Variants in ANKS1B observed in about 807,000 individuals in gnomAD.
The protein encoded by ANKS1B is ankyrin repeat and sterile alpha motif domain containing 1B.
A neutral mutation model predicts 148.3 loss-of-function variants in ANKS1B; 36 were observed. The observed-to-expected ratio is 0.24, with a 90% CI of 0.19 to 0.32. The LOEUF is 0.32. Among genes scored for constraint, ANKS1B ranks in the 10% least tolerant of loss-of-function variants. The probability of loss-of-function intolerance (pLI) is 1.00; values close to 1 mark genes in which losing one functional copy is unlikely to be tolerated. For missense variants in ANKS1B, 1,157 were observed against 1,542.6 expected, an observed-to-expected ratio of 0.75 and a Z score of 4.19; for synonymous variants, 542 against 560.8, an observed-to-expected ratio of 0.97 and a Z score of 0.47.
At chr12:99,806,835 G>A in intron 3 of ANKS1B, 135 bp from the exon 4 acceptor site, 5 of 887,938 alleles carry the variant, frequency 5.6e-6, no homozygotes, top group South Asian at 4.5e-5. Flanking sequence ...TATGCCTAAT[G>A]GAATTTTATA....
chr12:99,514,991 A>T (rs940634394), intron 9 of ANKS1B, among the ~76,000 whole-genome samples: 5 of 151,080 alleles, frequency 3.3e-5, no homozygotes, highest in African/African-American at 1.2e-4. Context: ...TTTTCTTGAC[A>T]TTTGGCCTCT....
At chr12:99,651,789 G>T (rs2372801) in intron 9 of ANKS1B, among the ~76,000 whole-genome samples, 129,889 of 151,900 alleles carry the variant, frequency 0.86, 55,734 homozygotes, top group East Asian at 0.98. Flanking sequence ...AATAGATACT[G>T]ATAATAACAG....
intron 12 of ANKS1B, among the ~76,000 whole-genome samples, chr12:99,330,626 AT>A (rs2087330569): frequency 6.6e-6 from 1 of 152,044 alleles, no homozygotes. Flanking sequence ...TGTTTTACAA[AT>A]GTCAAAGATA....
chr12:99,103,592 G>A (rs112002488), intron 15 of ANKS1B, among the ~76,000 whole-genome samples: 23 of 152,168 alleles, frequency 1.5e-4, no homozygotes, highest in African/African-American at 5.5e-4. Flanking sequence ...TTAAAACAAG[G>A]AAGGGATTCA....
At chr12:99,805,262 G>GAAAAAAAAA (rs1567880890) in intron 4 of ANKS1B, among the ~76,000 whole-genome samples, 10 of 8,308 alleles carry the variant, frequency 1.2e-3, no homozygotes, top group African/African-American at 3.5e-3. Context: ...GGAGGAAAAG[G>GAAAAAAAAA]CAAAAAAAAA....
At chr12:99,497,501 G>C (rs1404022046) in intron 10 of ANKS1B, among the ~76,000 whole-genome samples, 1 of 152,104 alleles carries the variant, frequency 6.6e-6, no homozygotes, top group Admixed American at 6.5e-5. Context: ...TGTGAGGGAA[G>C]GATCTGTCCC....
intron 17 of ANKS1B, among the ~76,000 whole-genome samples, chr12:98,958,046 C>T: frequency 6.6e-6 from 1 of 152,184 alleles, no homozygotes; most frequent in South Asian, 2.1e-4. Flanking sequence ...TGTCTGTTCT[C>T]ACCACCTAAG....
intron 12 of ANKS1B, among the ~76,000 whole-genome samples, chr12:99,247,196 T>G (rs192015047): frequency 1.4e-3 from 207 of 152,226 alleles, no homozygotes; most frequent in African/African-American, 4.9e-3. Flanking sequence ...CAAAATTGGG[T>G]TTTCTTAAAG....
At chr12:99,534,595 A>G (rs1023658903) in intron 9 of ANKS1B, among the ~76,000 whole-genome samples, 4 of 152,198 alleles carry the variant, frequency 2.6e-5, no homozygotes, top group African/African-American at 4.8e-5. Flanking sequence ...GGAAACACCT[A>G]AAATAACTAC....
In ANKS1B at chr12:99,061,526, C is replaced by T. The variant is rs74384546; in HGVS notation, c.2626-8217G>A. On this transcript the variant is annotated intron_variant, in intron 16 of 26. Coordinates refer to ENST00000683438, the MANE Select transcript of ANKS1B (RefSeq NM_001352186.2). ...ATGAACCACACTTTGAGTAGTAGTG[C>T]TTTGGAGGATGACAGAACAACAAAT... is the stretch of plus-strand genomic sequence containing the variant. Among the ~76,000 whole-genome samples the T allele has an allele frequency of 4.1e-3, 619 of 152,338 alleles. 24 individuals are homozygous for T. In the East Asian group the frequency reaches 0.085, roughly 21 times the overall value.
chr12:99,679,846 G>A (rs1348559652), intron 8 of ANKS1B, among the ~76,000 whole-genome samples: 4 of 152,186 alleles, frequency 2.6e-5, no homozygotes, highest in Non-Finnish European at 4.4e-5. Context: ...GGACTAACTT[G>A]CAGCACCCAC....
chr12:99,662,496 A>C (rs2098482574), intron 8 of ANKS1B, among the ~76,000 whole-genome samples: 1 of 152,194 alleles, frequency 6.6e-6, no homozygotes, highest in Non-Finnish European at 1.5e-5. Flanking sequence ...ATGAATGAAG[A>C]GTAAATGAAT....
At chr12:99,665,295 G>T (rs1267049027) in intron 8 of ANKS1B, among the ~76,000 whole-genome samples, 1 of 152,056 alleles carries the variant, frequency 6.6e-6, no homozygotes, top group Non-Finnish European at 1.5e-5. Flanking sequence ...TATTCTAATG[G>T]GTATGCATGT....
chr12:99,965,690 G>A (rs751366057), intron 1 of ANKS1B, among the ~76,000 whole-genome samples: 1 of 152,134 alleles, frequency 6.6e-6, no homozygotes, highest in South Asian at 2.1e-4. Flanking sequence ...CTGGATGGCC[G>A]AGGCAGGCAG....
At chr12:99,067,545 G>A (rs942768580) in intron 16 of ANKS1B, among the ~76,000 whole-genome samples, 2 of 152,214 alleles carry the variant, frequency 1.3e-5, no homozygotes, top group African/African-American at 4.8e-5. Context: ...ATAGGCTAGA[G>A]CAAGAGAGGC....
chr12:98,781,897 G>A (rs1259554458), intron 23 of ANKS1B, among the ~76,000 whole-genome samples: 1 of 152,200 alleles, frequency 6.6e-6, no homozygotes, highest in Non-Finnish European at 1.5e-5. Context: ...ATTTAGAGCT[G>A]CTACATTCCC....
chr12:99,866,735 C>T (rs1038413211), intron 1 of ANKS1B, among the ~76,000 whole-genome samples: 4 of 151,736 alleles, frequency 2.6e-5, no homozygotes, highest in Non-Finnish European at 5.9e-5. Flanking sequence ...CAGGACTCTT[C>T]GATGAAATAA....
chr12:99,754,045 A>G (rs1420502944), intron 8 of ANKS1B, among the ~76,000 whole-genome samples: 4 of 152,032 alleles, frequency 2.6e-5, no homozygotes, highest in Non-Finnish European at 5.9e-5. Context: ...AAAATAAAAT[A>G]AAAGACACAA....
chr12:99,665,653 AT>A (rs1403295967), intron 8 of ANKS1B, among the ~76,000 whole-genome samples: 1 of 151,816 alleles, frequency 6.6e-6, no homozygotes, highest in Non-Finnish European at 1.5e-5. Context: ...CGCCCGGCTA[AT>A]TTTTTGTATT....
Sources: allele counts gnomAD v4.1 joint callset (sites outside exome capture counted in the v4.1 genomes callset), GRCh38; gene constraint gnomAD v4.1.1; transcripts MANE v1.5; gene names NCBI Gene and HGNC (gene_info 2026-07-23, HGNC 2026-07-21).